ZNF682: variants seen among roughly 807,000 people sequenced by gnomAD.
ZNF682 encodes zinc finger protein 682.
In ZNF682, 29 loss-of-function variants were observed where a neutral mutation model predicts 36.5. The observed-to-expected ratio is 0.80, with a 90% CI of 0.59 to 1.08. The LOEUF is 1.08. Ranked by LOEUF, ZNF682 falls within the 50% of genes least tolerant of loss-of-function variation. The pLI, the probability that ZNF682 is intolerant of heterozygous loss-of-function variation, is 0.00. For missense variants in ZNF682, 561 were observed against 579.7 expected (o/e 0.97, Z 0.33); for synonymous variants, 180 against 197.0 (o/e 0.91, Z 0.72).
chr19:20,015,603 T>G (rs974120820), intron 3 of ZNF682: 2 of 194,620 alleles, frequency 1.0e-5, no homozygotes, highest in Admixed American at 6.5e-5. Context: ...GGAGTACTGA[T>G]GAAGAATTCT....
chr19:20,021,899 G>T (rs368059929), intron 3 of ZNF682, among the ~76,000 whole-genome samples: 1 of 152,028 alleles, frequency 6.6e-6, no homozygotes, highest in Non-Finnish European at 1.5e-5. Flanking sequence ...GGCTGGGCAC[G>T]GTGGCTCACA....
intron 1 of ZNF682, among the ~76,000 whole-genome samples, chr19:20,034,527 C>T (rs2088509648): frequency 6.6e-6 from 1 of 152,078 alleles, no homozygotes; most frequent in Non-Finnish European, 1.5e-5. Flanking sequence ...GCCTGTAATC[C>T]CAACACTTTA....
downstream of ZNF682, among the ~76,000 whole-genome samples, chr19:19,995,565 C>A (rs528399441): frequency 6.6e-6 from 1 of 152,102 alleles, no homozygotes; most frequent in Non-Finnish European, 1.5e-5. Flanking sequence ...TGAAACAGCG[C>A]GGGATGAATG....
chr19:20,032,689 A>G (rs977342939), intron 1 of ZNF682, among the ~76,000 whole-genome samples: 9 of 152,188 alleles, frequency 5.9e-5, no homozygotes, highest in Admixed American at 5.9e-4. Flanking sequence ...CAAAGCAAAA[A>G]CCATATGATT....
At position 20,006,643 on chromosome 19, in the gene ZNF682, A is replaced by G; in HGVS notation, c.859T>C (p.Cys287Arg). The G allele has an allele frequency of 1.2e-6, 2 of 1,614,144 alleles. No individual in the cohort carries two copies. Residue 287 changes from cysteine to arginine, a missense_variant, in exon 4 of 4, where the codon TGT becomes CGT. Physicochemically the swap from Cys to Arg is radical, Grantham distance 180. Coordinates refer to ENST00000397165, the MANE Select transcript of ZNF682 (RefSeq NM_033196.3). ...KIHTGEKPYT[C>R]EDCGRAFNRH... The stretch of plus-strand genomic sequence containing the variant: ...TTAAACGCTCTGCCACAGTCTTCAC[A>G]TGTATAGGGTTTTTCTCCTGTATGA...
intron 1 of ZNF682, among the ~76,000 whole-genome samples, chr19:20,030,193 T>G (rs2088467905): frequency 6.6e-6 from 1 of 152,224 alleles, no homozygotes; most frequent in South Asian, 2.1e-4. Flanking sequence ...TAACAAGGAA[T>G]TTAACCAAAA....
At chr19:20,002,134 G>A (rs986289054), downstream of ZNF682, among the ~76,000 whole-genome samples, 1 of 152,124 alleles carries the variant, frequency 6.6e-6, no homozygotes, top group Admixed American at 6.5e-5. Context: ...CCAGGCTGGA[G>A]TGCAGTGGTG....
At chr19:20,003,190 CAAAAAAAAAAAA>C (rs755953644), downstream of ZNF682, among the ~76,000 whole-genome samples, 3 of 33,074 alleles carry the variant, frequency 9.1e-5, no homozygotes, top group Non-Finnish European at 1.4e-4. Flanking sequence ...GACTCCGTCT[CAAAAAAAAAAAA>C]AAAAAAAAAA....
chr19:20,000,776 G>C (rs1456565416), downstream of ZNF682, among the ~76,000 whole-genome samples: 1 of 152,178 alleles, frequency 6.6e-6, no homozygotes, highest in Non-Finnish European at 1.5e-5. Context: ...GTAAAAACAA[G>C]GCAGGCAATC....
intron 3 of ZNF682, among the ~76,000 whole-genome samples, chr19:19,999,313 C>T (rs1421041046): frequency 6.6e-6 from 1 of 152,154 alleles, no homozygotes; most frequent in African/African-American, 2.4e-5. Flanking sequence ...TTTTTGTCCC[C>T]AAAGTGTTGA....
In ZNF682 at chr19:20,005,687, G is replaced by T; in HGVS notation, c.*318C>A. ...CTTGTGTACTCTAAGGCTTTTATTTGGTGACATCTTTCCACAGATAAATGT... is the reference window on the plus strand; with the variant it reads ...CTTGTGTACTCTAAGGCTTTTATTTTGTGACATCTTTCCACAGATAAATGT... On this transcript the variant is annotated 3_prime_UTR_variant, in exon 4 of 4. Transcript: ENST00000397165. 3.5e-6 allele frequency: 1 copy of T among 284,952 alleles called. No homozygotes were observed. Among genetic ancestry groups the T allele is most frequent in the Non-Finnish European group, 6.5e-6 (1 of 152,858 alleles). The allele number at this position is 284,952 out of a possible 1,614,324, so 17.7% of individuals were successfully genotyped here.
chr19:19,999,520 G>GTTTCTT (rs1049765174), downstream of ZNF682, among the ~76,000 whole-genome samples: 24 of 151,856 alleles, frequency 1.6e-4, no homozygotes, highest in African/African-American at 5.3e-4. Context: ...ATCATTGCAT[G>GTTTCTT]TTTCTTTTTC....
downstream of ZNF682, among the ~76,000 whole-genome samples, chr19:19,995,565 C>T (rs528399441): frequency 5.3e-5 from 8 of 152,220 alleles, no homozygotes; most frequent in African/African-American, 1.4e-4. Flanking sequence ...TGAAACAGCG[C>T]GGGATGAATG....
intron 3 of ZNF682, among the ~76,000 whole-genome samples, chr19:20,009,341 T>C (rs1482933236): frequency 6.6e-6 from 1 of 151,984 alleles, no homozygotes; most frequent in Admixed American, 6.6e-5. Context: ...AAGAATTCAC[T>C]ACAAAAAAAC....
downstream of ZNF682, among the ~76,000 whole-genome samples, chr19:19,999,546 T>A (rs1161957160): frequency 1.3e-5 from 2 of 152,132 alleles, no homozygotes. Flanking sequence ...TTTCTTTTTT[T>A]TTTTTCTTGA....
intron 3 of ZNF682, among the ~76,000 whole-genome samples, chr19:19,997,752 T>C (rs927935661): frequency 6.6e-6 from 1 of 152,220 alleles, no homozygotes; most frequent in Admixed American, 6.5e-5. Flanking sequence ...CTCCGGATGC[T>C]GCTCCTTTGT....
intron 3 of ZNF682, among the ~76,000 whole-genome samples, chr19:20,016,989 A>C (rs2088339820): frequency 6.6e-6 from 1 of 152,206 alleles, no homozygotes; most frequent in African/African-American, 2.4e-5. Flanking sequence ...AACTGAAGTA[A>C]AGATGAGATT....
At chr19:20,024,759 A>C (rs1374000188) in intron 1 of ZNF682, among the ~76,000 whole-genome samples, 1 of 152,094 alleles carries the variant, frequency 6.6e-6, no homozygotes, top group East Asian at 1.9e-4. Context: ...AATCACTTGA[A>C]CTCAGGAGGC....
chr19:20,011,102 G>C (rs1466878409), intron 3 of ZNF682, among the ~76,000 whole-genome samples: 1 of 151,492 alleles, frequency 6.6e-6, no homozygotes, highest in East Asian at 1.9e-4. Flanking sequence ...TCAAAGTAAA[G>C]GGAAAAAGTA....
Sources: allele counts gnomAD v4.1 joint callset (sites outside exome capture counted in the v4.1 genomes callset), GRCh38; gene constraint gnomAD v4.1.1; transcripts MANE v1.5; gene names NCBI Gene and HGNC (gene_info 2026-07-23, HGNC 2026-07-21).